CSMD1: variants seen among roughly 807,000 people sequenced by gnomAD.
CSMD1 encodes CUB and sushi domain-containing protein 1.
A neutral mutation model predicts 417.5 loss-of-function variants in CSMD1; 213 were observed. The ratio of observed to expected loss-of-function variants is 0.51; its 90% CI spans 0.46 to 0.57. The LOEUF (loss-of-function observed/expected upper bound fraction) is 0.57. Among genes scored for constraint, CSMD1 ranks in the 20% least tolerant of loss-of-function variants. The probability of loss-of-function intolerance (pLI) is 0.00; values close to 1 mark genes in which losing one functional copy is unlikely to be tolerated. For synonymous variants in CSMD1, 2,862 were observed against 1,736.8 expected (o/e 1.65, Z -16.11); for missense variants, 6,923 against 4,529.7 (o/e 1.53, Z -15.17).
At position 3,047,336 on chromosome 8, in the gene CSMD1, A is replaced by T. The variant is rs564319834; in HGVS notation, c.7660+5126T>A. Among the ~76,000 whole-genome samples the T allele has an allele frequency of 1.0e-3, 157 of 151,144 alleles. 1 individual carries two copies. The highest frequency in any genetic ancestry group is 1.6e-3 in the Admixed American group (25 of 15,166). On this transcript the variant is annotated intron_variant, in intron 50 of 69. Transcript: ENST00000635120. The stretch of plus-strand genomic sequence containing the variant: ...TCCCAGACGATTCCCGTGTTCCTTC[A>T]TCTACATCCGTTATTCTTTTCCGCT...
intron 5 of CSMD1, among the ~76,000 whole-genome samples, chr8:3,984,146 G>A (rs1352353412): frequency 6.6e-6 from 1 of 152,104 alleles, no homozygotes; most frequent in African/African-American, 2.4e-5. Context: ...GCTGTCAATT[G>A]CAGCTCTAGA....
At chr8:3,823,655 C>T (rs1010082824) in intron 5 of CSMD1, among the ~76,000 whole-genome samples, 1 of 151,924 alleles carries the variant, frequency 6.6e-6, no homozygotes, top group Non-Finnish European at 1.5e-5. Context: ...AATAAAAATA[C>T]AAAATCATTT....
chr8:4,967,805 G>C (rs1044314214), intron 1 of CSMD1, among the ~76,000 whole-genome samples: 9 of 152,108 alleles, frequency 5.9e-5, no homozygotes, highest in African/African-American at 2.2e-4. Context: ...TCACAGGGTC[G>C]ACTGACCCAA....
At chr8:4,863,574 A>G (rs573501701) in intron 1 of CSMD1, among the ~76,000 whole-genome samples, 1 of 152,118 alleles carries the variant, frequency 6.6e-6, no homozygotes, top group African/African-American at 2.4e-5. Flanking sequence ...TTTTTTAGCA[A>G]CAATTTTGCA....
intron 9 of CSMD1, among the ~76,000 whole-genome samples, chr8:3,579,611 A>G (rs2116964862): frequency 6.6e-6 from 1 of 152,312 alleles, no homozygotes; most frequent in East Asian, 1.9e-4. Flanking sequence ...TGAAGATAAT[A>G]TATCACAGAG....
chr8:4,179,396 T>C (rs1479271505), intron 3 of CSMD1, among the ~76,000 whole-genome samples: 8 of 152,150 alleles, frequency 5.3e-5, no homozygotes, highest in Non-Finnish European at 1.0e-4. Context: ...TGAAGCTGGA[T>C]CCCTTCCTTA....
chr8:4,439,452 C>T (rs1220371216), intron 2 of CSMD1, among the ~76,000 whole-genome samples: 1 of 152,006 alleles, frequency 6.6e-6, no homozygotes, highest in African/African-American at 2.4e-5. Context: ...TAACTTTTTC[C>T]TAACATTCTT....
At chr8:4,155,301 C>G (rs988106284) in intron 3 of CSMD1, among the ~76,000 whole-genome samples, 1 of 152,164 alleles carries the variant, frequency 6.6e-6, no homozygotes, top group African/African-American at 2.4e-5. Flanking sequence ...GCAGCAAGAT[C>G]AGCGTTTGGG....
At chr8:4,208,914 C>G (rs1478363306) in intron 3 of CSMD1, among the ~76,000 whole-genome samples, 1 of 151,974 alleles carries the variant, frequency 6.6e-6, no homozygotes, top group Admixed American at 6.6e-5. Flanking sequence ...TTATATATGC[C>G]CTGTAGACAT....
chr8:3,132,297 T>C (rs911794293), intron 41 of CSMD1, among the ~76,000 whole-genome samples: 2 of 152,130 alleles, frequency 1.3e-5, no homozygotes, highest in Non-Finnish European at 2.9e-5. Flanking sequence ...TTTTTTTTAA[T>C]TCCTAGCTCT....
intron 1 of CSMD1, among the ~76,000 whole-genome samples, chr8:4,645,617 A>G (rs549883570): frequency 6.6e-6 from 1 of 152,238 alleles, no homozygotes; most frequent in South Asian, 2.1e-4. Context: ...TTTGCAAAGT[A>G]ATTGTAGACT....
intron 5 of CSMD1, among the ~76,000 whole-genome samples, chr8:3,790,884 C>T (rs898927897): frequency 2.0e-5 from 3 of 152,088 alleles, no homozygotes; most frequent in Non-Finnish European, 2.9e-5. Flanking sequence ...TGGAAACTGT[C>T]GCTAATGAAT....
intron 1 of CSMD1, among the ~76,000 whole-genome samples, chr8:4,806,115 C>G (rs1159666300): frequency 6.6e-6 from 1 of 152,110 alleles, no homozygotes; most frequent in Non-Finnish European, 1.5e-5. Flanking sequence ...CCAGCAAAAA[C>G]GTTTAATTAC....
intron 2 of CSMD1, among the ~76,000 whole-genome samples, chr8:4,508,173 T>TTC (rs1563242390): frequency 5.3e-5 from 8 of 150,424 alleles, no homozygotes; most frequent in African/African-American, 2.0e-4. Context: ...TTTTTTTTTT[T>TTC]CAATTCTGAG....
chr8:3,889,592 C>A (rs1256311949), intron 5 of CSMD1, among the ~76,000 whole-genome samples: 1 of 148,400 alleles, frequency 6.7e-6, no homozygotes, highest in African/African-American at 2.5e-5. Flanking sequence ...TACATATATG[C>A]TCATTAGGTC....
chr8:4,278,833 G>T (rs1796628306), intron 3 of CSMD1, among the ~76,000 whole-genome samples: 1 of 152,100 alleles, frequency 6.6e-6, no homozygotes, highest in Admixed American at 6.5e-5. Context: ...AGTATTTATA[G>T]GAAAAACACT....
Position 3,160,940 on chromosome 8 carries a change from A to C in CSMD1, c.5844+1219T>G, listed in dbSNP as rs558611161. ...ACCCCAATGTACATGCAGAAACTGA[A>C]TTCCACACAGTGCTGTTATTTCACG... On this transcript the variant is annotated intron_variant, in intron 38 of 69. Coordinates refer to ENST00000635120, the MANE Select transcript of CSMD1 (RefSeq NM_033225.6). Among the ~76,000 whole-genome samples the C allele has an allele frequency of 2.6e-5, 4 of 152,316 alleles. No individual in the cohort carries two copies. The East Asian group carries it at 5.8e-4, about 22-fold the overall frequency.
intron 3 of CSMD1, among the ~76,000 whole-genome samples, chr8:4,090,835 A>T (rs1800679198): frequency 6.6e-6 from 1 of 152,162 alleles, no homozygotes; most frequent in Non-Finnish European, 1.5e-5. Flanking sequence ...GAAAAAATAG[A>T]AATATTTGGC....
chr8:4,449,765 G>GT (rs1799022817), intron 2 of CSMD1, among the ~76,000 whole-genome samples: 1 of 152,112 alleles, frequency 6.6e-6, no homozygotes, highest in South Asian at 2.1e-4. Flanking sequence ...GTGGCAAGCA[G>GT]TTGGGAGCAG....
Sources: allele counts gnomAD v4.1 joint callset (sites outside exome capture counted in the v4.1 genomes callset), GRCh38; gene constraint gnomAD v4.1.1; transcripts MANE v1.5; gene names NCBI Gene and HGNC (gene_info 2026-07-23, HGNC 2026-07-21).